The following DYTN variants were observed in gnomAD, a reference collection of about 807,000 sequenced individuals.
DYTN encodes the protein dystrotelin.
In DYTN, 75 loss-of-function variants were observed where a neutral mutation model predicts 69.6. That is an observed-to-expected ratio of 1.08 (90% CI 0.89 to 1.31). The LOEUF (loss-of-function observed/expected upper bound fraction) is 1.31, where lower values mean the gene tolerates loss of function less well. Ranked by LOEUF, DYTN falls within the 50% of genes most tolerant of loss-of-function variation. DYTN has a pLI of 0.00. For synonymous variants in DYTN, 252 were observed against 249.1 expected (o/e 1.01, Z -0.11); for missense variants, 726 against 688.4 (o/e 1.05, Z -0.61).
At chr2:206,654,328 T>C (rs1468345519) in intron 11 of DYTN, among the ~76,000 whole-genome samples, 1 of 152,192 alleles carries the variant, frequency 6.6e-6, no homozygotes, top group Non-Finnish European at 1.5e-5. Flanking sequence ...TGACTCCTTA[T>C]TTTCAGCCTA....
intron 9 of DYTN, among the ~76,000 whole-genome samples, chr2:206,683,912 A>G (rs2105894632): frequency 6.6e-6 from 1 of 151,714 alleles, no homozygotes; most frequent in Non-Finnish European, 1.5e-5. Context: ...CCATACTTAA[A>G]TTTGCTGCCA....
chr2:206,653,574 G>C (rs547658387), intron 11 of DYTN, among the ~76,000 whole-genome samples: 1 of 152,330 alleles, frequency 6.6e-6, no homozygotes, highest in South Asian at 2.1e-4. Context: ...AATGATAGAT[G>C]TAGAAATGAA....
At chr2:206,654,293 G>A (rs942022940) in intron 11 of DYTN, among the ~76,000 whole-genome samples, 11 of 152,092 alleles carry the variant, frequency 7.2e-5, no homozygotes, top group Admixed American at 2.0e-4. Flanking sequence ...TGCCATACCT[G>A]AGAAAGCAAG....
chr2:206,679,630 G>A (rs547588143), intron 9 of DYTN, among the ~76,000 whole-genome samples: 1 of 152,160 alleles, frequency 6.6e-6, no homozygotes, highest in Non-Finnish European at 1.5e-5. Context: ...ATCATCTCAA[G>A]TTATGGCAGA....
chr2:206,708,070 C>A (rs1259865036), intron 2 of DYTN, among the ~76,000 whole-genome samples: 4 of 152,210 alleles, frequency 2.6e-5, no homozygotes, highest in African/African-American at 9.6e-5. Context: ...AATTCTGCAA[C>A]TCAGTAATAC....
At chr2:206,696,707 T>G (rs1699923283) in intron 7 of DYTN, among the ~76,000 whole-genome samples, 1 of 152,230 alleles carries the variant, frequency 6.6e-6, no homozygotes. Context: ...TCTGAACTGA[T>G]GGCCTGCCAT....
At chr2:206,660,182 T>A (rs1278764644) in intron 11 of DYTN, among the ~76,000 whole-genome samples, 1 of 152,220 alleles carries the variant, frequency 6.6e-6, no homozygotes, top group Non-Finnish European at 1.5e-5. Flanking sequence ...GATTTGATAA[T>A]GCTAATTGTA....
chr2:206,682,220 T>C (rs1173858096), intron 9 of DYTN, among the ~76,000 whole-genome samples: 1 of 152,164 alleles, frequency 6.6e-6, no homozygotes, highest in Non-Finnish European at 1.5e-5. Flanking sequence ...GGGTCAATAG[T>C]GTATTCCCTT....
intron 9 of DYTN, among the ~76,000 whole-genome samples, chr2:206,675,412 A>G (rs1699675218): frequency 6.6e-6 from 1 of 151,164 alleles, no homozygotes; most frequent in African/African-American, 2.4e-5. Flanking sequence ...AGTTTCTAAA[A>G]CAATTCATTC....
chr2:206,693,423 T>A (rs2105897461), intron 8 of DYTN, 100 bp from the exon 9 acceptor site: 2 of 1,432,088 alleles, frequency 1.4e-6, no homozygotes, highest in East Asian at 4.7e-5. Context: ...GTTTTTGGAA[T>A]TATTTCTCTT....
chr2:206,705,151 C>T, intron 4 of DYTN: 1 of 547,738 alleles, frequency 1.8e-6, no homozygotes, highest in South Asian at 2.3e-5. Context: ...GGTTAGAGTG[C>T]AATGGCACAA....
At chr2:206,715,627 A>T (rs1700121278) in intron 1 of DYTN, among the ~76,000 whole-genome samples, 1 of 152,218 alleles carries the variant, frequency 6.6e-6, no homozygotes, top group Non-Finnish European at 1.5e-5. Flanking sequence ...ACTCTCTGTA[A>T]AATCAATTCC....
At chr2:206,709,440 C>A (rs979567222) in intron 2 of DYTN, among the ~76,000 whole-genome samples, 3 of 151,760 alleles carry the variant, frequency 2.0e-5, no homozygotes, top group African/African-American at 7.3e-5. Flanking sequence ...CAGAGTGAGA[C>A]CCCAGCTTAC....
intron 11 of DYTN, among the ~76,000 whole-genome samples, chr2:206,655,915 C>T (rs577909022): frequency 2.4e-4 from 37 of 152,258 alleles, no homozygotes; most frequent in African/African-American, 8.7e-4. Context: ...TATGATCTAT[C>T]CCAGAAAATG....
chr2:206,713,407 T>A (rs1193363938), intron 1 of DYTN, among the ~76,000 whole-genome samples: 2 of 152,202 alleles, frequency 1.3e-5, no homozygotes, highest in Non-Finnish European at 2.9e-5. Context: ...GCTGAAGTAT[T>A]GCTAACTGCT....
chr2:206,694,656 T>A (rs1303959108), intron 8 of DYTN, 110 bp downstream of exon 8: 1 of 781,896 alleles, frequency 1.3e-6, no homozygotes, highest in Non-Finnish European at 1.9e-6. Flanking sequence ...AATATTGCAA[T>A]GTATGACAGG....
intron 9 of DYTN, among the ~76,000 whole-genome samples, chr2:206,682,456 C>T (rs1216334528): frequency 1.3e-5 from 2 of 152,146 alleles, no homozygotes; most frequent in South Asian, 2.1e-4. Flanking sequence ...CAGGATTCCT[C>T]ACTTTCTTGG....
At chr2:206,670,838 A>T (rs1277614544) in intron 9 of DYTN, among the ~76,000 whole-genome samples, 2 of 152,176 alleles carry the variant, frequency 1.3e-5, no homozygotes, top group Non-Finnish European at 2.9e-5. Context: ...GCTACCCTGA[A>T]TGTCTTCTTC....
Position 206,679,007 on chromosome 2 carries a change from T to A in DYTN, c.981-12978A>T, listed in dbSNP as rs569485376. On this transcript the variant is annotated intron_variant, in intron 9 of 11. Coordinates refer to ENST00000452335, the MANE Select transcript of DYTN (RefSeq NM_001093730.1). ...CTTTAGTAGCAGTTCCTTTCCGTTTTGGACTCACCTGGTAACATGAGTTGC... is the reference window on the plus strand; with the variant it reads ...CTTTAGTAGCAGTTCCTTTCCGTTTAGGACTCACCTGGTAACATGAGTTGC... 2.0e-5 allele frequency: 3 copies of A among 152,326 alleles called. No homozygotes were observed. The South Asian group carries it at 6.2e-4, about 32-fold the overall frequency. 9.4% of individuals were successfully genotyped at this position (152,326 alleles called of 1,614,324 possible).
Sources: allele counts gnomAD v4.1 joint callset (sites outside exome capture counted in the v4.1 genomes callset), GRCh38; gene constraint gnomAD v4.1.1; transcripts MANE v1.5; gene names NCBI Gene and HGNC (gene_info 2026-07-23, HGNC 2026-07-21).